CDH23: variants seen among roughly 807,000 people sequenced by gnomAD.
CDH23 encodes cadherin-23.
CDH23 carries 189 observed loss-of-function variants against 317.1 expected under a neutral mutation model. The ratio of observed to expected loss-of-function variants is 0.60; its 90% CI spans 0.53 to 0.67. The LOEUF (loss-of-function observed/expected upper bound fraction) is 0.67. CDH23 is among the 30% of genes least tolerant of loss of function. CDH23 has a pLI of 0.00. For synonymous variants in CDH23, 1,839 were observed against 1,876.8 expected (o/e 0.98, Z 0.52); for missense variants, 4,401 against 4,592.4 (o/e 0.96, Z 1.20).
At chr10:71,779,948 T>C (rs997919453) in intron 41 of CDH23, among the ~76,000 whole-genome samples, 2 of 152,192 alleles carry the variant, frequency 1.3e-5, no homozygotes, top group African/African-American at 4.8e-5. Flanking sequence ...CACTCATTAC[T>C]ATAGAGTGGG....
intron 14 of CDH23, among the ~76,000 whole-genome samples, chr10:71,652,157 C>T (rs1328075603): frequency 6.6e-6 from 1 of 152,154 alleles, no homozygotes; most frequent in African/African-American, 2.4e-5. Context: ...TTTGCTGAGC[C>T]GTGGGTAGAG....
chr10:71,571,953 C>T (rs1372485245), intron 8 of CDH23, among the ~76,000 whole-genome samples: 1 of 152,212 alleles, frequency 6.6e-6, no homozygotes, highest in Non-Finnish European at 1.5e-5. Context: ...TGGGCCTGAC[C>T]CCTCATTTGG....
intron 6 of CDH23, among the ~76,000 whole-genome samples, chr10:71,516,025 A>C (rs1487213530): frequency 6.6e-6 from 1 of 152,138 alleles, no homozygotes; most frequent in Non-Finnish European, 1.5e-5. Context: ...TATGAATATC[A>C]CTCACTTTCA....
intron 1 of CDH23, among the ~76,000 whole-genome samples, chr10:71,404,071 G>A (rs1459148725): frequency 1.3e-5 from 2 of 152,146 alleles, no homozygotes; most frequent in Middle Eastern, 3.2e-3. Flanking sequence ...CAGCCTGGGC[G>A]GCAGAGCAAG....
At chr10:71,521,989 T>G (rs1854719209) in intron 6 of CDH23, among the ~76,000 whole-genome samples, 1 of 152,150 alleles carries the variant, frequency 6.6e-6, no homozygotes, top group South Asian at 2.1e-4. Flanking sequence ...TCGTCTCACT[T>G]CCAGGGCTCA....
In CDH23 at chr10:71,479,563, C is replaced by T. The variant is rs142975065; in HGVS notation, c.146-30519C>T. ...CTGCTCCTGCTAATGCCATAAAGCCCACCATTAGGGAGCCATTCCTTTGGG... is the reference window on the plus strand; with the variant it reads ...CTGCTCCTGCTAATGCCATAAAGCCTACCATTAGGGAGCCATTCCTTTGGG... On this transcript the variant is annotated intron_variant, in intron 3 of 69. Transcript: ENST00000224721. Among the ~76,000 whole-genome samples, 531 of 152,270 alleles carry T rather than the reference C, an allele frequency of 3.5e-3. 5 individuals are homozygous for T. The highest frequency in any genetic ancestry group is 0.016 in the South Asian group (75 of 4,824).
intron 49 of CDH23, 40 bp downstream of exon 49, chr10:71,797,260 G>A (rs1264316924): frequency 1.4e-6 from 2 of 1,409,354 alleles, no homozygotes; most frequent in African/African-American, 2.8e-5. Context: ...GTCACTCAGA[G>A]CCAATCAGGG....
chr10:71,626,153 A>C (rs1351874595), intron 11 of CDH23, among the ~76,000 whole-genome samples: 1 of 152,234 alleles, frequency 6.6e-6, no homozygotes, highest in Non-Finnish European at 1.5e-5. Context: ...CAAAATAATT[A>C]GTTGGCTCTG....
intron 6 of CDH23, among the ~76,000 whole-genome samples, chr10:71,549,249 G>C (rs1425234249): frequency 2.0e-5 from 3 of 152,376 alleles, no homozygotes; most frequent in East Asian, 3.9e-4. Context: ...TGGACATTCA[G>C]GGCTGGAAAG....
rs558389069 is a variant in CDH23 at position 71,764,089 on chromosome 10, A to G, written c.4846-13591A>G. Among the ~76,000 whole-genome samples the G allele has an allele frequency of 1.7e-3, 255 of 152,360 alleles. 1 individual carries two copies. The highest frequency in any genetic ancestry group is 3.7e-3 in the Admixed American group (56 of 15,310). Reference sequence around the variant, plus strand: ...ACAGGTCTCCTTTTCAGGCAGAAACACAGAGACCCAGAAAGGGAAAGTGGT... The same window carrying G: ...ACAGGTCTCCTTTTCAGGCAGAAACGCAGAGACCCAGAAAGGGAAAGTGGT... On this transcript the variant is annotated intron_variant, in intron 38 of 69. Transcript: ENST00000224721.
chr10:71,475,252 C>G (rs10999838), intron 3 of CDH23, among the ~76,000 whole-genome samples: 28,023 of 152,184 alleles, frequency 0.18, 2,745 homozygotes, highest in African/African-American at 0.25. Context: ...AGGAGCTGCC[C>G]AGGAGCGTCC....
intron 64 of CDH23, 24 bp from the exon 65 acceptor site, chr10:71,811,689 C>T (rs1190421220): frequency 6.2e-7 from 1 of 1,612,428 alleles, no homozygotes; most frequent in African/African-American, 1.3e-5. Flanking sequence ...CCCCCCTCAC[C>T]AGCCCCTCTC....
chr10:71,421,827 CGTGT>C (rs138169723), intron 1 of CDH23, among the ~76,000 whole-genome samples: 33 of 148,196 alleles, frequency 2.2e-4, no homozygotes, highest in African/African-American at 3.2e-4. Flanking sequence ...TGTGAGGAAG[CGTGT>C]GTGTGTGTGT....
intron 6 of CDH23, among the ~76,000 whole-genome samples, chr10:71,553,822 G>A (rs1194334463): frequency 6.6e-6 from 1 of 152,220 alleles, no homozygotes; most frequent in East Asian, 1.9e-4. Context: ...AAGAGCTCAG[G>A]GCAGTGTTAG....
At chr10:71,592,971 A>G (rs1859596449) in intron 9 of CDH23, among the ~76,000 whole-genome samples, 1 of 152,158 alleles carries the variant, frequency 6.6e-6, no homozygotes, top group African/African-American at 2.4e-5. Context: ...AGTTTCCTAG[A>G]GGGGTCAGAT....
At chr10:71,737,782 G>A (rs577774018) in intron 34 of CDH23, 29 of 468,748 alleles carry the variant, frequency 6.2e-5, no homozygotes, top group African/African-American at 4.0e-4. Flanking sequence ...GGCCTCACCC[G>A]CGGCAGGCCT....
At chr10:71,701,490 C>T (rs993544400) in intron 22 of CDH23, among the ~76,000 whole-genome samples, 5 of 151,998 alleles carry the variant, frequency 3.3e-5, no homozygotes, top group African/African-American at 9.7e-5. Flanking sequence ...GGCTGTAGGC[C>T]GGGGAGTTGA....
chr10:71,680,971 G>C (rs1387845601), intron 17 of CDH23, among the ~76,000 whole-genome samples: 1 of 150,568 alleles, frequency 6.6e-6, no homozygotes, highest in Non-Finnish European at 1.5e-5. Context: ...TGGGATTACA[G>C]TCGTGCCACC....
chr10:71,668,733 A>G (rs1864016604), intron 14 of CDH23, among the ~76,000 whole-genome samples: 1 of 152,240 alleles, frequency 6.6e-6, no homozygotes, highest in Non-Finnish European at 1.5e-5. Context: ...CGCTACAGCC[A>G]GGAGAAAGAC....
Sources: gnomAD v4.1 joint callset for allele counts (sites outside exome capture counted in the v4.1 genomes callset) on GRCh38, gnomAD v4.1.1 for gene constraint, MANE v1.5 for transcripts, NCBI Gene and HGNC (gene_info 2026-07-23, HGNC 2026-07-21) for gene names.